The following INTS12 variants were observed in gnomAD, a reference collection of about 807,000 sequenced individuals.
The protein encoded by INTS12 is PHD finger protein 22.
Under a neutral mutation model 41.6 loss-of-function variants are expected in INTS12, and 13 were observed. That is an observed-to-expected ratio of 0.31 (90% CI 0.20 to 0.50). The LOEUF (loss-of-function observed/expected upper bound fraction) is 0.50, where lower values mean the gene tolerates loss of function less well. Among genes scored for constraint, INTS12 ranks in the 20% least tolerant of loss-of-function variants. INTS12 has a pLI of 0.98. For synonymous variants in INTS12, 199 were observed against 191.4 expected (o/e 1.04, Z -0.33); for missense variants, 432 against 541.6 (o/e 0.80, Z 2.01).
At chr4:105,692,286 C>A in intron 5 of INTS12, 151 bp from the exon 6 acceptor site, 1 of 668,982 alleles carries the variant, frequency 1.5e-6, no homozygotes, top group South Asian at 1.9e-5. Context: ...GAGTTCAAGA[C>A]CAGCCTGGCT....
chr4:105,697,400 T>G (rs1217241610), intron 3 of INTS12, among the ~76,000 whole-genome samples: 1 of 152,058 alleles, frequency 6.6e-6, no homozygotes, highest in Non-Finnish European at 1.5e-5. Flanking sequence ...AATTTCAGAA[T>G]AGTGGTTACC....
chr4:105,692,701 A>G (rs1416466157), intron 5 of INTS12, among the ~76,000 whole-genome samples: 3 of 152,070 alleles, frequency 2.0e-5, no homozygotes, highest in African/African-American at 7.2e-5. Context: ...TTCTCGTCAT[A>G]ATTTTTGCCT....
intron 7 of INTS12, among the ~76,000 whole-genome samples, chr4:105,685,660 A>AT (rs575873516): frequency 2.1e-4 from 32 of 148,882 alleles, no homozygotes; most frequent in South Asian, 8.5e-4. Context: ...ATTTGAGGCT[A>AT]TTTTTTTTTT....
intron 6 of INTS12, among the ~76,000 whole-genome samples, chr4:105,689,159 C>T (rs527746417): frequency 9.5e-4 from 145 of 152,254 alleles, no homozygotes; most frequent in Non-Finnish European, 1.6e-3. Context: ...TCCACTACTG[C>T]GTAGAGAGAA....
At position 105,695,626 on chromosome 4, in the gene INTS12, T is replaced by C. The variant is rs988525564; in HGVS notation, c.199A>G (p.Ile67Val). Residue 67 changes from isoleucine (I) to valine (V), a missense_variant, in exon 4 of 8, where the codon ATT becomes GTT. Ile to Val is a conservative substitution (Grantham distance 29). Coordinates refer to ENST00000340139, the MANE Select transcript of INTS12 (RefSeq NM_020395.4). ...PKISSTKNIS[I>V]KQEPKISSSL... ...GATGATATTTTGGGCTCTTGCTTAATGGAAATGTTTTTTGTGCTTGAAATT... is the reference window on the plus strand; with the variant it reads ...GATGATATTTTGGGCTCTTGCTTAACGGAAATGTTTTTTGTGCTTGAAATT... 4.3e-6 allele frequency: 7 copies of C among 1,613,206 alleles called. No individual in the cohort carries two copies. The highest frequency in any genetic ancestry group is 5.9e-6 in the Non-Finnish European group (7 of 1,179,760).
At position 105,693,419 on chromosome 4, in the gene INTS12, T is replaced by C. The variant is rs1169391904; in HGVS notation, c.377A>G (p.Gln126Arg). 6 of 1,613,838 alleles carry C rather than the reference T, an allele frequency of 3.7e-6. No individual in the cohort carries two copies. Among genetic ancestry groups the C allele is most frequent in the Non-Finnish European group, 5.1e-6 (6 of 1,179,770 alleles). Residue 126 changes from glutamine (Q) to arginine (R), a missense_variant, in exon 5 of 8, where the codon CAG (glutamine) becomes CGG (arginine). Gln to Arg is a conservative substitution (Grantham distance 43). Around this residue, in one of 3 missense-constraint regions of INTS12, gnomAD observed 168 missense variants for 198.9 expected, o/e 0.84. Coordinates refer to ENST00000340139, the MANE Select transcript of INTS12 (RefSeq NM_020395.4). ...ACTTTGGACAGTAATGGGAGATGAC[T>C]GTGTTTCTGGTTTCTCCAATCTAGG... ...KKPRLEKPETQSSPITVQSSK... is the reference protein window; with the variant it reads ...KKPRLEKPETRSSPITVQSSK...
At position 105,692,083 on chromosome 4, in the gene INTS12, T is replaced by G. The variant is rs763585404; in HGVS notation, c.550A>C (p.Asn184His). The stretch of plus-strand genomic sequence containing the variant: ...TTATGACAATCTCGGTGGTAGAGAT[T>G]ATGGCACTCCTGACATTCTACTAAT... ...NQLVECQECH[N>H]LYHRDCHKPQ... is the part of the protein sequence containing the mutation. Residue 184 changes from asparagine to histidine, a missense_variant, in exon 6 of 8, where the codon AAT (asparagine) becomes CAT (histidine). Physicochemically the swap from Asn to His is moderately conservative, Grantham distance 68. Transcript: ENST00000340139. 11 of 1,604,174 alleles carry G rather than the reference T, an allele frequency of 6.9e-6. No individual in the cohort carries two copies. The East Asian group carries it at 2.5e-4, about 36-fold the overall frequency.
At chr4:105,687,716 G>T (rs1325253505) in intron 6 of INTS12, among the ~76,000 whole-genome samples, 4 of 152,310 alleles carry the variant, frequency 2.6e-5, no homozygotes, top group South Asian at 2.1e-4. Flanking sequence ...GGCTGAGGCG[G>T]GTGGTTCACT....
chr4:105,698,517 A>G (rs1478007483), intron 3 of INTS12, among the ~76,000 whole-genome samples: 1 of 152,080 alleles, frequency 6.6e-6, no homozygotes, highest in Non-Finnish European at 1.5e-5. Context: ...CATGTTCTTT[A>G]AGAGATAAAC....
chr4:105,702,427 C>A (rs1357231203), intron 2 of INTS12, among the ~76,000 whole-genome samples: 3 of 152,022 alleles, frequency 2.0e-5, no homozygotes, highest in Admixed American at 2.0e-4. Flanking sequence ...TGAGCCACCG[C>A]GCCCAGCCAA....
chr4:105,691,345 T>C (rs1481376496), intron 6 of INTS12, among the ~76,000 whole-genome samples: 1 of 152,208 alleles, frequency 6.6e-6, no homozygotes, highest in East Asian at 1.9e-4. Context: ...TTATCTATTT[T>C]ATAAGTGAAT....
intron 7 of INTS12, among the ~76,000 whole-genome samples, chr4:105,686,148 C>T (rs1312096622): frequency 3.3e-5 from 5 of 152,098 alleles, no homozygotes; most frequent in Admixed American, 1.3e-4. Flanking sequence ...CTGCAAACTT[C>T]GCCTCTGGGG....
intron 6 of INTS12, among the ~76,000 whole-genome samples, chr4:105,689,442 C>T (rs1187919974): frequency 6.6e-6 from 1 of 152,184 alleles, no homozygotes; most frequent in Non-Finnish European, 1.5e-5. Context: ...TTAAACCTTA[C>T]ATTTCCTGGA....
intron 2 of INTS12, among the ~76,000 whole-genome samples, chr4:105,701,456 A>T (rs551249394): frequency 2.0e-5 from 3 of 152,236 alleles, no homozygotes; most frequent in South Asian, 2.1e-4. Context: ...TCTTAAAATT[A>T]TATTATTATA....
At chr4:105,708,349 T>G (rs1732376874) in intron 1 of INTS12, 1 of 985,374 alleles carries the variant, frequency 1.0e-6, no homozygotes, top group Non-Finnish European at 1.2e-6. Context: ...CGTAGAGAAG[T>G]CACTAAAACC....
chr4:105,692,696 G>A (rs999035877), intron 5 of INTS12, among the ~76,000 whole-genome samples: 3 of 151,946 alleles, frequency 2.0e-5, no homozygotes, highest in Admixed American at 2.0e-4. Context: ...GTCATTTCTC[G>A]TCATAATTTT....
In INTS12 at chr4:105,702,925, T is replaced by C. The variant is rs1024420227; in HGVS notation, c.-10+723A>G. Reference sequence around the variant, plus strand: ...TTCTGTTGCCTTCTCTAATCTCTGTTACTTTTCCTTCCTTACCGGCAAATA... The same window carrying C: ...TTCTGTTGCCTTCTCTAATCTCTGTCACTTTTCCTTCCTTACCGGCAAATA... On this transcript the variant is annotated intron_variant, in intron 2 of 7. Transcript: ENST00000340139. 5 of 985,114 alleles carry C rather than the reference T, an allele frequency of 5.1e-6. No homozygotes were observed. The African/African-American group carries it at 8.7e-5, about 17-fold the overall frequency. The allele number at this position is 985,114 out of a possible 1,614,324, so 61.0% of individuals were successfully genotyped here.
At chr4:105,688,050 C>G (rs1001506339) in intron 6 of INTS12, among the ~76,000 whole-genome samples, 1 of 152,148 alleles carries the variant, frequency 6.6e-6, no homozygotes, top group Admixed American at 6.5e-5. Context: ...TTCTCTTCAT[C>G]TGTAAAATGG....
chr4:105,690,157 T>C (rs913747412), intron 6 of INTS12, among the ~76,000 whole-genome samples: 2 of 152,160 alleles, frequency 1.3e-5, no homozygotes, highest in African/African-American at 4.8e-5. Flanking sequence ...ACTTAGTCTG[T>C]GTCAGAGTGG....
Sources: allele counts gnomAD v4.1 joint callset (sites outside exome capture counted in the v4.1 genomes callset), GRCh38; gene constraint gnomAD v4.1.1; regional missense constraint gnomAD v4.1.1; transcripts MANE v1.5; gene names NCBI Gene and HGNC (gene_info 2026-07-23, HGNC 2026-07-21).